Variants in GRIN3A observed in about 807,000 individuals in gnomAD.
GRIN3A encodes the protein glutamate ionotropic receptor NMDA type subunit 3A.
A neutral mutation model predicts 92.4 loss-of-function variants in GRIN3A; 47 were observed. The ratio of observed to expected loss-of-function variants is 0.51; its 90% CI spans 0.40 to 0.65. The LOEUF (loss-of-function observed/expected upper bound fraction) is 0.65, where lower values mean the gene tolerates loss of function less well. Among genes scored for constraint, GRIN3A ranks in the 30% least tolerant of loss-of-function variants. The pLI is 0.00. For missense variants in GRIN3A, 1,324 were observed against 1,393.1 expected (o/e 0.95, Z 0.79); for synonymous variants, 527 against 540.6 (o/e 0.97, Z 0.35).
At chr9:101,720,206 C>G (rs1347105759) in intron 1 of GRIN3A, among the ~76,000 whole-genome samples, 1 of 152,178 alleles carries the variant, frequency 6.6e-6, no homozygotes, top group East Asian at 1.9e-4. Flanking sequence ...TCCTAACTTT[C>G]CAGAATTGAA....
At chr9:101,659,817 T>C (rs1413474535) in intron 3 of GRIN3A, among the ~76,000 whole-genome samples, 1 of 151,866 alleles carries the variant, frequency 6.6e-6, no homozygotes, top group Non-Finnish European at 1.5e-5. Context: ...TGAATTACTG[T>C]ATCTATTTGA....
At chr9:101,667,020 C>A (rs1829247302) in intron 3 of GRIN3A, among the ~76,000 whole-genome samples, 1 of 151,940 alleles carries the variant, frequency 6.6e-6, no homozygotes, top group African/African-American at 2.4e-5. Context: ...TTGAAGTTCA[C>A]TCTTCTTAGC....
At position 101,578,358 on chromosome 9, in the gene GRIN3A, GAA is replaced by G. The variant is rs925195169; in HGVS notation, c.2932-516_2932-515del. ...CAAACCAATGATAGTAACCTATCTA[GAA>G]AAAAAAAAAGTGTTACCAAAGTGAG... is the stretch of plus-strand genomic sequence containing the variant. On this transcript the variant is annotated intron_variant, in intron 7 of 8. Coordinates refer to ENST00000361820, the MANE Select transcript of GRIN3A (RefSeq NM_133445.3). Among the ~76,000 whole-genome samples, 7 of 145,488 alleles carry G rather than the reference GAA, an allele frequency of 4.8e-5. No individual in the cohort carries two copies. The South Asian group carries it at 1.3e-3, about 27-fold the overall frequency.
At chr9:101,710,840 T>C (rs978746854) in intron 1 of GRIN3A, among the ~76,000 whole-genome samples, 1 of 152,212 alleles carries the variant, frequency 6.6e-6, no homozygotes, top group Admixed American at 6.5e-5. Flanking sequence ...TTGAATTGTC[T>C]GATTTTGACT....
intron 3 of GRIN3A, among the ~76,000 whole-genome samples, chr9:101,632,017 G>T (rs1468522597): frequency 6.6e-6 from 1 of 152,176 alleles, no homozygotes; most frequent in Admixed American, 6.5e-5. Flanking sequence ...GGCCTCTAAG[G>T]TTCAGCATGT....
chr9:101,589,705 T>C (rs1274408570), intron 6 of GRIN3A, among the ~76,000 whole-genome samples: 1 of 152,204 alleles, frequency 6.6e-6, no homozygotes, highest in East Asian at 1.9e-4. Context: ...TATTTTATTA[T>C]ATAAAAGTTT....
intron 3 of GRIN3A, among the ~76,000 whole-genome samples, chr9:101,640,203 A>G (rs1161631801): frequency 6.6e-6 from 1 of 152,134 alleles, no homozygotes; most frequent in African/African-American, 2.4e-5. Context: ...ACTTGAGACA[A>G]TCTCCCAGTT....
chr9:101,631,436 C>T (rs1828708657), intron 3 of GRIN3A, among the ~76,000 whole-genome samples: 1 of 152,102 alleles, frequency 6.6e-6, no homozygotes, highest in Admixed American at 6.6e-5. Context: ...GAATTCCTTC[C>T]AGAAATACAT....
At chr9:101,687,754 C>T (rs896652407) in intron 1 of GRIN3A, among the ~76,000 whole-genome samples, 1 of 152,182 alleles carries the variant, frequency 6.6e-6, no homozygotes, top group African/African-American at 2.4e-5. Context: ...ATTTTCAATA[C>T]ATACATCAAG....
intron 1 of GRIN3A, among the ~76,000 whole-genome samples, chr9:101,687,743 A>T (rs1829558360): frequency 6.6e-6 from 1 of 152,198 alleles, no homozygotes; most frequent in South Asian, 2.1e-4. Flanking sequence ...AGTAAAGAAT[A>T]ATTTTCAATA....
At chr9:101,680,215 C>G (rs1318936246) in intron 2 of GRIN3A, among the ~76,000 whole-genome samples, 2 of 152,118 alleles carry the variant, frequency 1.3e-5, no homozygotes, top group Non-Finnish European at 2.9e-5. Context: ...GACAGAATAT[C>G]CAAAATTAGA....
At chr9:101,624,096 G>A (rs10117667) in intron 4 of GRIN3A, among the ~76,000 whole-genome samples, 3 of 152,206 alleles carry the variant, frequency 2.0e-5, no homozygotes, top group African/African-American at 4.8e-5. Context: ...GATTTTCTAT[G>A]AGGAACAGTT....
At chr9:101,676,314 T>A (rs979137873) in intron 2 of GRIN3A, among the ~76,000 whole-genome samples, 2 of 151,868 alleles carry the variant, frequency 1.3e-5, no homozygotes. Context: ...CTTTTCTTTT[T>A]CCCCCTATTT....
In GRIN3A at chr9:101,728,015, G is replaced by C. The variant is rs1044526523; in HGVS notation, c.699+9266C>G. 2.7e-5 allele frequency among the ~76,000 whole-genome samples: 4 copies of C among 148,298 alleles called. No individual in the cohort carries two copies. The South Asian group carries it at 8.6e-4, about 32-fold the overall frequency. Reference sequence around the variant, plus strand: ...ATAACATCTCTCTGTGTGTGGATCTGTGTATATATTTGCTCCCATTATTAC... The same window carrying C: ...ATAACATCTCTCTGTGTGTGGATCTCTGTATATATTTGCTCCCATTATTAC... On this transcript the variant is annotated intron_variant, in intron 1 of 8. Coordinates refer to ENST00000361820, the MANE Select transcript of GRIN3A (RefSeq NM_133445.3).
chr9:101,624,217 TA>T (rs1320897519), intron 4 of GRIN3A, among the ~76,000 whole-genome samples: 1 of 151,576 alleles, frequency 6.6e-6, no homozygotes, highest in East Asian at 1.9e-4. Flanking sequence ...AAATTTTTTT[TA>T]TTTTTTTATT....
intron 6 of GRIN3A, among the ~76,000 whole-genome samples, chr9:101,581,157 T>C (rs865988382): frequency 1.3e-5 from 2 of 152,230 alleles, no homozygotes; most frequent in African/African-American, 4.8e-5. Flanking sequence ...ACCTCCATGA[T>C]ACATTTGATC....
chr9:101,625,722 G>T (rs918794984), intron 4 of GRIN3A, among the ~76,000 whole-genome samples: 4 of 152,150 alleles, frequency 2.6e-5, no homozygotes, highest in Admixed American at 2.6e-4. Context: ...AGTTGATAAG[G>T]AATCTTAATG....
chr9:101,728,549 T>A (rs1830104116), intron 1 of GRIN3A, among the ~76,000 whole-genome samples: 1 of 152,210 alleles, frequency 6.6e-6, no homozygotes, highest in Admixed American at 6.5e-5. Flanking sequence ...AAAAGCCATG[T>A]CAAATCTGCA....
Position 101,737,626 on chromosome 9 carries a change from C to G in GRIN3A, c.354G>C (p.Arg118Ser), listed in dbSNP as rs759790646. ...PGSRKPGEGARAEALWPRDAL... is the reference protein window; with the variant it reads ...PGSRKPGEGASAEALWPRDAL... ...CGTCCCGTGGCCACAGGGCCTCCGC[C>G]CTGGCGCCCTCCCCGGGCTTACGGG... The change falls in exon 1 of 9, where the codon AGG becomes AGC. Residue 118 changes from arginine to serine, a missense_variant. By Grantham distance (110) the Arg-to-Ser change is moderately radical. Coordinates refer to ENST00000361820, the MANE Select transcript of GRIN3A (RefSeq NM_133445.3). 2 of 1,612,466 alleles carry G rather than the reference C, an allele frequency of 1.2e-6. No homozygotes were observed. Among genetic ancestry groups the G allele is most frequent in the South Asian group, 1.1e-5 (1 of 91,034 alleles).
Sources: allele counts gnomAD v4.1 joint callset (sites outside exome capture counted in the v4.1 genomes callset), GRCh38; gene constraint gnomAD v4.1.1; transcripts MANE v1.5; gene names NCBI Gene and HGNC (gene_info 2026-07-23, HGNC 2026-07-21).